The following TMEM71 variants were observed in gnomAD, a reference collection of about 807,000 sequenced individuals.
The protein encoded by TMEM71 is transmembrane protein 71.
A neutral mutation model predicts 38.0 loss-of-function variants in TMEM71; 44 were observed. That is an observed-to-expected ratio of 1.16 (90% CI 0.91 to 1.49). TMEM71 has a LOEUF of 1.49. TMEM71 is among the 40% of genes most tolerant of loss of function. The pLI is 0.00. For missense variants in TMEM71, 367 were observed against 348.6 expected (o/e 1.05, Z -0.42); for synonymous variants, 133 against 122.5 (o/e 1.09, Z -0.56).
At chr8:132,752,437 A>G (rs1828766697) in intron 3 of TMEM71, among the ~76,000 whole-genome samples, 1 of 152,180 alleles carries the variant, frequency 6.6e-6, no homozygotes, top group Admixed American at 6.5e-5. Flanking sequence ...CATGCAGTCA[A>G]AATGATCATT....
intron 3 of TMEM71, among the ~76,000 whole-genome samples, chr8:132,752,348 A>T (rs553618304): frequency 2.6e-5 from 4 of 152,310 alleles, no homozygotes; most frequent in Non-Finnish European, 5.9e-5. Context: ...TACTTTGAAT[A>T]GCCCTCCAGT....
At chr8:132,745,227 A>C (rs552066447) in intron 5 of TMEM71, among the ~76,000 whole-genome samples, 1 of 152,184 alleles carries the variant, frequency 6.6e-6, no homozygotes, top group Non-Finnish European at 1.5e-5. Context: ...ACTATCAACA[A>C]GAGTAAATAT....
At chr8:132,770,155 A>G in the TMEM71 span, among the ~76,000 whole-genome samples, 2 of 152,182 alleles carry the variant, frequency 1.3e-5, no homozygotes, top group Non-Finnish European at 1.5e-5. Flanking sequence ...TGTTAGGTCA[A>G]TCTCTCACTA....
chr8:132,735,391 G>T (rs556463287), intron 5 of TMEM71, among the ~76,000 whole-genome samples: 1 of 152,168 alleles, frequency 6.6e-6, no homozygotes, highest in African/African-American at 2.4e-5. Context: ...ATTTAATTTT[G>T]ATTTCTTCTG....
chr8:132,739,170 T>C (rs1259844757), intron 5 of TMEM71, among the ~76,000 whole-genome samples: 1 of 152,244 alleles, frequency 6.6e-6, no homozygotes, highest in East Asian at 1.9e-4. Flanking sequence ...ACGACTCCTC[T>C]AGCTTGCTCT....
chr8:132,733,702 C>T (rs954628561), intron 5 of TMEM71, among the ~76,000 whole-genome samples: 2 of 152,186 alleles, frequency 1.3e-5, no homozygotes, highest in Non-Finnish European at 2.9e-5. Context: ...GGCCCTGGAC[C>T]ATGCCCATCC....
the TMEM71 span, among the ~76,000 whole-genome samples, chr8:132,767,617 G>C: frequency 6.6e-6 from 1 of 152,032 alleles, no homozygotes; most frequent in Non-Finnish European, 1.5e-5. Flanking sequence ...TGGGACTACA[G>C]GTGCGCACCA....
At chr8:132,734,092 C>T (rs1586793818) in intron 5 of TMEM71, among the ~76,000 whole-genome samples, 1 of 151,902 alleles carries the variant, frequency 6.6e-6, no homozygotes, top group Admixed American at 6.6e-5. Flanking sequence ...TGCTCTACAA[C>T]GTAGTACCTG....
intron 7 of TMEM71, among the ~76,000 whole-genome samples, chr8:132,714,558 T>C (rs577576828): frequency 6.6e-6 from 1 of 152,218 alleles, no homozygotes; most frequent in East Asian, 1.9e-4. Flanking sequence ...AAAATTTAAC[T>C]CAAAATGGGT....
At chr8:132,743,459 A>G (rs188145218) in intron 5 of TMEM71, among the ~76,000 whole-genome samples, 39 of 152,088 alleles carry the variant, frequency 2.6e-4, no homozygotes, top group Middle Eastern at 6.8e-3. Context: ...CCCACCTTTT[A>G]TACTACTATT....
chr8:132,752,824 GAAGA>G (rs1321644030), intron 3 of TMEM71, among the ~76,000 whole-genome samples: 101 of 125,872 alleles, frequency 8.0e-4, no homozygotes, highest in Non-Finnish European at 1.4e-3. Flanking sequence ...AGAAGGGAAG[GAAGA>G]AAGGAAGGAA....
At chr8:132,714,364 T>C (rs1007753481) in intron 7 of TMEM71, 149 bp from the exon 8 acceptor site, 3 of 663,922 alleles carry the variant, frequency 4.5e-6, no homozygotes, top group Admixed American at 2.6e-5. Flanking sequence ...TGGACAGACA[T>C]ACAGATCAAT....
downstream of TMEM71, among the ~76,000 whole-genome samples, chr8:132,707,428 C>T (rs1336535676): frequency 6.6e-6 from 1 of 152,138 alleles, no homozygotes; most frequent in Non-Finnish European, 1.5e-5. Flanking sequence ...ACTTAATCCC[C>T]AGTGCAACAG....
chr8:132,752,842 AG>A (rs1256304195), intron 3 of TMEM71, among the ~76,000 whole-genome samples: 7 of 138,326 alleles, frequency 5.1e-5, no homozygotes, highest in Non-Finnish European at 1.1e-4. Flanking sequence ...GAAGGAAGGA[AG>A]GAAGGAAGGA....
At chr8:132,765,984 A>G in the TMEM71 span, among the ~76,000 whole-genome samples, 10 of 151,860 alleles carry the variant, frequency 6.6e-5, no homozygotes, top group Non-Finnish European at 1.5e-4. Flanking sequence ...GGGTTTCACC[A>G]TGTTGGCCAG....
intron 6 of TMEM71, among the ~76,000 whole-genome samples, chr8:132,727,478 G>C (rs1301780734): frequency 2.0e-5 from 3 of 152,014 alleles, no homozygotes; most frequent in African/African-American, 7.2e-5. Context: ...GGATGGTCTT[G>C]ATCTCCTGAC....
At chr8:132,719,427 G>C (rs1473798221) in intron 7 of TMEM71, among the ~76,000 whole-genome samples, 1 of 152,172 alleles carries the variant, frequency 6.6e-6, no homozygotes, top group Non-Finnish European at 1.5e-5. Flanking sequence ...TTTAGGCTGT[G>C]TGTATATGAA....
At chr8:132,765,463 AG>A (rs1459966254), upstream of TMEM71, among the ~76,000 whole-genome samples, 4 of 152,142 alleles carry the variant, frequency 2.6e-5, no homozygotes, top group Admixed American at 2.6e-4. Flanking sequence ...CCCGGCAATG[AG>A]GGTAGAGTCT....
chr8:132,747,747 C>A (rs755020421), intron 4 of TMEM71, among the ~76,000 whole-genome samples: 4 of 152,102 alleles, frequency 2.6e-5, no homozygotes, highest in Non-Finnish European at 5.9e-5. Context: ...GATGATCTGA[C>A]CTGTTTATTG....
Sources: allele counts gnomAD v4.1 joint callset (sites outside exome capture counted in the v4.1 genomes callset), GRCh38; gene constraint gnomAD v4.1.1; transcripts MANE v1.5; gene names NCBI Gene and HGNC (gene_info 2026-07-23, HGNC 2026-07-21).